The following GRIK2 variants were observed in gnomAD, a reference collection of about 807,000 sequenced individuals.
The protein encoded by GRIK2 is glutamate ionotropic receptor kainate type subunit 2, also known as glutamate receptor ionotropic, kainate 2.
In GRIK2, 32 loss-of-function variants were observed where a neutral mutation model predicts 100.3. The ratio of observed to expected loss-of-function variants is 0.32; its 90% confidence interval spans 0.24 to 0.43. GRIK2 has a LOEUF of 0.43. Among genes scored for constraint, GRIK2 ranks in the 20% least tolerant of loss-of-function variants. The pLI is 1.00. For missense variants in GRIK2, 843 were observed against 1,114.9 expected (o/e 0.76, Z 3.47); for synonymous variants, 417 against 389.4 (o/e 1.07, Z -0.83).
At chr6:101,886,422 T>C (rs1188237056) in intron 11 of GRIK2, among the ~76,000 whole-genome samples, 3 of 152,038 alleles carry the variant, frequency 2.0e-5, no homozygotes, top group Non-Finnish European at 4.4e-5. Context: ...AAAAGTATTA[T>C]AGTATTACAT....
At chr6:101,821,914 A>G (rs1781978970) in intron 10 of GRIK2, among the ~76,000 whole-genome samples, 1 of 152,064 alleles carries the variant, frequency 6.6e-6, no homozygotes, top group Non-Finnish European at 1.5e-5. Context: ...CTATCATGGG[A>G]AGGAGATACA....
At chr6:101,505,787 A>AAC (rs1431322071) in intron 2 of GRIK2, among the ~76,000 whole-genome samples, 12 of 151,796 alleles carry the variant, frequency 7.9e-5, no homozygotes, top group Non-Finnish European at 1.8e-4. Context: ...AAAAAAAAAA[A>AAC]AAAAACTAGA....
At chr6:101,548,835 C>A (rs1261845135) in intron 2 of GRIK2, among the ~76,000 whole-genome samples, 1 of 152,092 alleles carries the variant, frequency 6.6e-6, no homozygotes, top group African/African-American at 2.4e-5. Context: ...GTATTACTAT[C>A]CTCAGTTATA....
chr6:101,903,478 T>A (rs555949122), intron 12 of GRIK2, among the ~76,000 whole-genome samples: 5 of 151,960 alleles, frequency 3.3e-5, no homozygotes, highest in African/African-American at 9.6e-5. Context: ...GTTTGTTATT[T>A]TAAACCACAT....
chr6:101,536,493 C>T (rs1775700298), intron 2 of GRIK2, among the ~76,000 whole-genome samples: 1 of 151,542 alleles, frequency 6.6e-6, no homozygotes, highest in Non-Finnish European at 1.5e-5. Context: ...TTAGAAAAGA[C>T]ATTAACAAGG....
intron 2 of GRIK2, among the ~76,000 whole-genome samples, chr6:101,544,749 T>A (rs1776156702): frequency 6.6e-6 from 1 of 152,210 alleles, no homozygotes; most frequent in Non-Finnish European, 1.5e-5. Context: ...GTTATTATTC[T>A]GCTCACTATG....
chr6:101,695,917 A>G (rs2128349496), intron 7 of GRIK2, among the ~76,000 whole-genome samples: 1 of 152,252 alleles, frequency 6.6e-6, no homozygotes, highest in East Asian at 1.9e-4. Flanking sequence ...AAAGTGAAAC[A>G]CAGAATTGTT....
intron 1 of GRIK2, among the ~76,000 whole-genome samples, chr6:101,395,477 A>G (rs1182774387): frequency 6.6e-6 from 1 of 152,194 alleles, no homozygotes; most frequent in Admixed American, 6.5e-5. Context: ...AGCAAAAGGT[A>G]TAGGCATTGT....
At chr6:101,610,889 A>T (rs1005202868) in intron 2 of GRIK2, among the ~76,000 whole-genome samples, 15 of 151,652 alleles carry the variant, frequency 9.9e-5, no homozygotes, top group African/African-American at 3.6e-4. Flanking sequence ...CTGTTATCTC[A>T]GTTTGATCAG....
intron 2 of GRIK2, among the ~76,000 whole-genome samples, chr6:101,400,842 A>C (rs906218328): frequency 2.9e-4 from 44 of 152,208 alleles, no homozygotes; most frequent in African/African-American, 9.6e-4. Context: ...TTATAGCTGG[A>C]TTCCCACTGT....
chr6:101,925,018 C>T (rs1189604829), intron 13 of GRIK2, among the ~76,000 whole-genome samples: 1 of 152,148 alleles, frequency 6.6e-6, no homozygotes, highest in African/African-American at 2.4e-5. Context: ...CCAGAAGCTG[C>T]ATTTAAACTA....
chr6:101,798,846 T>A (rs902051928), intron 7 of GRIK2, among the ~76,000 whole-genome samples: 2 of 152,148 alleles, frequency 1.3e-5, no homozygotes, highest in African/African-American at 4.8e-5. Flanking sequence ...TGTTTTGTTA[T>A]GACTTATAAA....
At chr6:101,625,848 C>T (rs78753556) in intron 3 of GRIK2, among the ~76,000 whole-genome samples, 2,811 of 152,262 alleles carry the variant, frequency 0.018, 47 homozygotes, top group Non-Finnish European at 0.029. Flanking sequence ...CATATGAAAT[C>T]ACTCTCTAAG....
chr6:101,537,449 T>TGTGC (rs3057388), intron 2 of GRIK2, among the ~76,000 whole-genome samples: 45,653 of 111,758 alleles, frequency 0.41, 7,391 homozygotes, highest in Admixed American at 0.46. Flanking sequence ...TGTTTGTGTG[T>TGTGC]GTGTGCGTGT....
chr6:101,457,466 T>G lies in GRIK2; in HGVS notation c.115+58074T>G, dbSNP rs138958726. ...GAGATTTCAGCAATTTTTTTTCACA[T>G]CCGTATGTAATCTTTATTGGCCAAG... On this transcript the variant is annotated intron_variant, in intron 2 of 16. Coordinates refer to ENST00000369134, the MANE Select transcript of GRIK2 (RefSeq NM_021956.5). 1.3e-3 allele frequency among the ~76,000 whole-genome samples: 203 copies of G among 152,218 alleles called. 1 individual carries two copies. The highest frequency in any genetic ancestry group is 3.3e-3 in the Admixed American group (51 of 15,282).
intron 14 of GRIK2, among the ~76,000 whole-genome samples, chr6:101,942,032 C>T (rs1671304975): frequency 1.3e-5 from 2 of 151,592 alleles, no homozygotes; most frequent in South Asian, 4.2e-4. Context: ...TTAATTTCAG[C>T]TAGAAATAGA....
chr6:101,962,980 T>A (rs1216309390), intron 14 of GRIK2, among the ~76,000 whole-genome samples: 1 of 123,522 alleles, frequency 8.1e-6, no homozygotes, highest in Non-Finnish European at 1.9e-5. Context: ...GGCAGTTGAA[T>A]TTTTTTTTTA....
chr6:101,517,399 G>A (rs1774639915), intron 2 of GRIK2, among the ~76,000 whole-genome samples: 1 of 152,146 alleles, frequency 6.6e-6, no homozygotes, highest in African/African-American at 2.4e-5. Context: ...CCCTTTGATA[G>A]CTCAGCTGGT....
At chr6:101,474,526 G>C (rs963441848) in intron 2 of GRIK2, among the ~76,000 whole-genome samples, 5 of 151,754 alleles carry the variant, frequency 3.3e-5, no homozygotes, top group African/African-American at 9.7e-5. Flanking sequence ...AGAAGTTCAG[G>C]CTTGAATATT....
Sources: allele counts gnomAD v4.1 joint callset (sites outside exome capture counted in the v4.1 genomes callset), GRCh38; gene constraint gnomAD v4.1.1; transcripts MANE v1.5; gene names NCBI Gene and HGNC (gene_info 2026-07-23, HGNC 2026-07-21).